Variants in CEP112 observed in about 807,000 individuals in gnomAD.
The protein encoded by CEP112 is centrosomal protein 112.
A neutral mutation model predicts 153.0 loss-of-function variants in CEP112; 127 were observed. The observed-to-expected ratio is 0.83, with a 90% CI of 0.72 to 0.96. The LOEUF (loss-of-function observed/expected upper bound fraction) is 0.96. Among genes scored for constraint, CEP112 ranks in the 40% least tolerant of loss-of-function variants. The probability of loss-of-function intolerance (pLI) is 0.00; values close to 1 mark genes in which losing one functional copy is unlikely to be tolerated. For synonymous variants in CEP112, 358 were observed against 374.4 expected (o/e 0.96, Z 0.51); for missense variants, 1,089 against 1,101.2 (o/e 0.99, Z 0.16).
At chr17:65,735,515 A>G (rs1015653320) in intron 23 of CEP112, among the ~76,000 whole-genome samples, 2 of 152,210 alleles carry the variant, frequency 1.3e-5, no homozygotes, top group African/African-American at 2.4e-5. Context: ...AATAAACCCA[A>G]TGTAAGTAGA....
chr17:66,108,046 G>C (rs1387678084), intron 6 of CEP112, among the ~76,000 whole-genome samples: 1 of 151,956 alleles, frequency 6.6e-6, no homozygotes, highest in Non-Finnish European at 1.5e-5. Context: ...CATATGCTGG[G>C]GAAAGGATAC....
chr17:65,948,064 G>T (rs1274476368), intron 18 of CEP112, among the ~76,000 whole-genome samples: 2 of 152,108 alleles, frequency 1.3e-5, no homozygotes, highest in African/African-American at 2.4e-5. Flanking sequence ...TTGCTTCCTT[G>T]TAAGTTGAGA....
At chr17:65,796,931 G>C (rs1375533303) in intron 21 of CEP112, among the ~76,000 whole-genome samples, 1 of 151,010 alleles carries the variant, frequency 6.6e-6, no homozygotes, top group East Asian at 2.0e-4. Flanking sequence ...GTGCACACCT[G>C]TAGTTCCAGC....
At chr17:65,655,309 C>T in intron 24 of CEP112, 2 of 1,530,686 alleles carry the variant, frequency 1.3e-6, no homozygotes, top group East Asian at 2.3e-5. Flanking sequence ...GCCTCAGACA[C>T]TACAGCTGGA....
At chr17:65,913,689 T>G in intron 19 of CEP112, 1 of 985,408 alleles carries the variant, frequency 1.0e-6, no homozygotes, top group Non-Finnish European at 1.2e-6. Context: ...CCTGCCAGCA[T>G]ACACTGCTTC....
chr17:65,944,816 C>A (rs761309464), intron 18 of CEP112, among the ~76,000 whole-genome samples: 2 of 152,156 alleles, frequency 1.3e-5, no homozygotes, highest in African/African-American at 2.4e-5. Flanking sequence ...GACTCCTGGG[C>A]TCAAGTGATC....
intron 21 of CEP112, among the ~76,000 whole-genome samples, chr17:65,837,958 G>C (rs1016775567): frequency 2.0e-5 from 3 of 152,038 alleles, no homozygotes; most frequent in East Asian, 1.9e-4. Context: ...TGCGGAAGGC[G>C]GCAGGGCCCT....
At chr17:66,152,611 A>C (rs1015668731) in intron 4 of CEP112, among the ~76,000 whole-genome samples, 1 of 152,168 alleles carries the variant, frequency 6.6e-6, no homozygotes, top group Non-Finnish European at 1.5e-5. Context: ...TGAAGATCGA[A>C]AAGATAAAAG....
chr17:66,063,830 A>G (rs2067015428), intron 10 of CEP112, among the ~76,000 whole-genome samples: 1 of 152,124 alleles, frequency 6.6e-6, no homozygotes, highest in South Asian at 2.1e-4. Flanking sequence ...GTTTTAAACC[A>G]CTATTATAAA....
chr17:65,927,715 A>T (rs748036974), intron 18 of CEP112, 26 bp from the exon 19 acceptor site: 2 of 1,398,082 alleles, frequency 1.4e-6, no homozygotes, highest in Non-Finnish European at 1.9e-6. Flanking sequence ...ATCAAATATT[A>T]ATTTTTTAAA....
intron 4 of CEP112, among the ~76,000 whole-genome samples, chr17:66,156,379 C>A (rs1238431419): frequency 6.6e-6 from 1 of 152,132 alleles, no homozygotes; most frequent in Non-Finnish European, 1.5e-5. Flanking sequence ...ATCTGAAGGT[C>A]ACCAACATCA....
chr17:65,671,271 C>G (rs761671369), intron 24 of CEP112, among the ~76,000 whole-genome samples: 2 of 152,064 alleles, frequency 1.3e-5, no homozygotes, highest in African/African-American at 2.4e-5. Context: ...TAAGAGCTCC[C>G]GAAGGGGAAA....
chr17:65,778,343 C>T (rs1833347), intron 21 of CEP112, among the ~76,000 whole-genome samples: 48,797 of 152,122 alleles, frequency 0.32, 9,658 homozygotes, highest in Middle Eastern at 0.45. Flanking sequence ...GCTTTGCAGT[C>T]TCTGTCCCTC....
At chr17:66,141,099 C>T (rs982238104) in intron 4 of CEP112, among the ~76,000 whole-genome samples, 21 of 152,044 alleles carry the variant, frequency 1.4e-4, no homozygotes, top group Non-Finnish European at 2.4e-4. Context: ...TCATCTCTTA[C>T]ACTTCCATTT....
intron 24 of CEP112, among the ~76,000 whole-genome samples, chr17:65,682,790 C>G (rs232111): frequency 6.6e-6 from 1 of 152,126 alleles, no homozygotes; most frequent in Non-Finnish European, 1.5e-5. Flanking sequence ...TGCCCTCTAA[C>G]TAGAATGTCC....
At chr17:65,924,960 GC>G (rs764996730) in intron 19 of CEP112, among the ~76,000 whole-genome samples, 13 of 151,900 alleles carry the variant, frequency 8.6e-5, no homozygotes, top group Non-Finnish European at 1.9e-4. Context: ...TCCCCTCCCA[GC>G]CCCTCCATCC....
intron 17 of CEP112, among the ~76,000 whole-genome samples, chr17:65,980,902 C>A (rs1340791519): frequency 6.6e-6 from 1 of 152,132 alleles, no homozygotes; most frequent in Non-Finnish European, 1.5e-5. Flanking sequence ...TTCAGCCTCC[C>A]AAGTAGCTGG....
chr17:66,097,564 C>T (rs1244866863), intron 6 of CEP112, among the ~76,000 whole-genome samples: 1 of 152,150 alleles, frequency 6.6e-6, no homozygotes, highest in Non-Finnish European at 1.5e-5. Flanking sequence ...TTATCAGCTC[C>T]TAAAGTATCC....
intron 8 of CEP112, among the ~76,000 whole-genome samples, chr17:66,091,660 C>T (rs1027428806): frequency 2.2e-4 from 34 of 151,248 alleles, no homozygotes; most frequent in Non-Finnish European, 2.8e-4. Context: ...CCAAAGTTCA[C>T]GGAAGGAAGG....
Sources: gnomAD v4.1 joint callset for allele counts (sites outside exome capture counted in the v4.1 genomes callset) on GRCh38, gnomAD v4.1.1 for gene constraint, MANE v1.5 for transcripts, NCBI Gene and HGNC (gene_info 2026-07-23, HGNC 2026-07-21) for gene names.